The following KIRREL3 variants were observed in gnomAD, a reference collection of about 807,000 sequenced individuals.
KIRREL3 encodes kirre like nephrin family adhesion molecule 3, also known as kin of IRRE-like protein 3.
KIRREL3 carries 36 observed loss-of-function variants against 89.7 expected under a neutral mutation model. The ratio of observed to expected loss-of-function variants is 0.40; its 90% CI spans 0.31 to 0.53. KIRREL3 has a LOEUF of 0.53. Ranked by LOEUF, KIRREL3 falls within the 20% of genes least tolerant of loss-of-function variation. The pLI is 0.49. For missense variants in KIRREL3, 864 were observed against 1,056.6 expected (o/e 0.82, Z 2.53); for synonymous variants, 445 against 441.4 (o/e 1.01, Z -0.10).
chr11:126,452,883 C>T (rs1205240164), intron 7 of KIRREL3, among the ~76,000 whole-genome samples: 1 of 152,180 alleles, frequency 6.6e-6, no homozygotes, highest in African/African-American at 2.4e-5. Flanking sequence ...CTGAAAAACC[C>T]TCTGAGAGGT....
chr11:126,598,487 G>T (rs1458872097), intron 1 of KIRREL3, among the ~76,000 whole-genome samples: 1 of 152,170 alleles, frequency 6.6e-6, no homozygotes, highest in Non-Finnish European at 1.5e-5. Flanking sequence ...CCTGGGAGGT[G>T]CACCTCTTTT....
At chr11:126,556,500 G>T (rs908971527) in intron 2 of KIRREL3, among the ~76,000 whole-genome samples, 3 of 152,182 alleles carry the variant, frequency 2.0e-5, no homozygotes, top group African/African-American at 7.2e-5. Flanking sequence ...AATTAGCTGG[G>T]CATGGTGGTG....
In KIRREL3 at chr11:126,498,545, G is replaced by T. The variant is rs1487063769; in HGVS notation, c.433+22770C>A. Among the ~76,000 whole-genome samples, 3 of 152,258 alleles carry T rather than the reference G, an allele frequency of 2.0e-5. No homozygotes were observed. In the East Asian group the frequency reaches 5.8e-4, roughly 29 times the overall value. Reference sequence around the variant, plus strand: ...CTAATTAGTAATTATAAAAGATCCCGACTAGAAATTGTTTTCAGTTAAATA... The same window carrying T: ...CTAATTAGTAATTATAAAAGATCCCTACTAGAAATTGTTTTCAGTTAAATA... On this transcript the variant is annotated intron_variant, in intron 4 of 16. Transcript: ENST00000525144. The surrounding 1 kb of genome is among the most constrained non-coding windows in gnomAD (Gnocchi z 4.3).
rs568777273 is a variant in KIRREL3, at chr11:126,768,389, T to G, written c.56-205477A>C. Among the ~76,000 whole-genome samples the G allele has an allele frequency of 5.3e-5, 8 of 152,250 alleles. No individual in the cohort carries two copies. Among genetic ancestry groups the G allele is most frequent in the Non-Finnish European group, 7.3e-5 (5 of 68,040 alleles). On this transcript the variant is annotated intron_variant, in intron 1 of 16. Coordinates refer to ENST00000525144, the MANE Select transcript of KIRREL3 (RefSeq NM_032531.4). The surrounding 1 kb of genome is among the most constrained non-coding windows in gnomAD (Gnocchi z 4.5). The stretch of plus-strand genomic sequence containing the variant: ...GTGCTCATTGTATGCAGGCACTGCA[T>G]GTCCCAGGTCTGGAAATGCCTATGA...
At chr11:126,483,576 T>G (rs1037738639) in intron 4 of KIRREL3, among the ~76,000 whole-genome samples, 1 of 152,216 alleles carries the variant, frequency 6.6e-6, no homozygotes, top group African/African-American at 2.4e-5. Flanking sequence ...GCCAGGTGAC[T>G]GTTCTGGAAG....
rs896790053 is a variant in KIRREL3, at chr11:126,531,690, C to T, written c.134-5003G>A. ...TCTCGTCTTCTCTCTATATTCTCAT[C>T]TTGCCTCTTTTTCATCAATTTCTCC... On this transcript the variant is annotated intron_variant, in intron 2 of 16. Transcript: ENST00000525144. This position sits in a 1 kb window ranked among gnomAD's most constrained non-coding sequence, Gnocchi z 4.7. 1.3e-5 allele frequency among the ~76,000 whole-genome samples: 2 copies of T among 151,976 alleles called. No homozygotes were observed. Among genetic ancestry groups the T allele is most frequent in the African/African-American group, 2.4e-5 (1 of 41,374 alleles).
At chr11:126,731,755 G>A (rs922077604) in intron 1 of KIRREL3, among the ~76,000 whole-genome samples, 1 of 152,240 alleles carries the variant, frequency 6.6e-6, no homozygotes, top group Non-Finnish European at 1.5e-5. Flanking sequence ...CCCAGTTAGA[G>A]AACAACAAGA....
Position 126,708,393 on chromosome 11 carries a change from GA to G in KIRREL3, c.56-145482del. On this transcript the variant is annotated intron_variant, in intron 1 of 16. Coordinates refer to ENST00000525144, the MANE Select transcript of KIRREL3 (RefSeq NM_032531.4). The surrounding 1 kb of genome is among the most constrained non-coding windows in gnomAD (Gnocchi z 5.7). ...AGGAATTCTATTTGTTTTTCTCTTG[GA>G]AAATGGGGAAGTACATCTGTAATTC... is the stretch of plus-strand genomic sequence containing the variant. Among the ~76,000 whole-genome samples, 3 of 152,262 alleles carry G rather than the reference GA, an allele frequency of 2.0e-5. No individual in the cohort carries two copies. The South Asian group carries it at 6.2e-4, about 32-fold the overall frequency.
chr11:126,678,081 C>T (rs995993854), intron 1 of KIRREL3, among the ~76,000 whole-genome samples: 7 of 152,176 alleles, frequency 4.6e-5, no homozygotes, highest in Admixed American at 2.0e-4. Context: ...TGGTTATACG[C>T]GGTAATGAAG....
chr11:126,450,513 G>A (rs201709785), intron 7 of KIRREL3, among the ~76,000 whole-genome samples: 23,455 of 149,738 alleles, frequency 0.16, 2,310 homozygotes, highest in East Asian at 0.38. Context: ...GTGCATGTGT[G>A]TGTGTGCATC....
chr11:126,466,862 G>A (rs1275485626), intron 5 of KIRREL3, among the ~76,000 whole-genome samples: 1 of 152,194 alleles, frequency 6.6e-6, no homozygotes, highest in East Asian at 1.9e-4. Context: ...GCTCCAGAAG[G>A]AAGTGAGTTA....
rs866958641 is a variant in KIRREL3 at position 126,460,284 on chromosome 11, C to T, written c.742+2873G>A. On this transcript the variant is annotated intron_variant, in intron 6 of 16. Transcript: ENST00000525144. ...GGGGCACCACTCACCTATGGCTCTG[C>T]GTCCTGACAGCAGCTGGTAGGTGTG... 1.5e-4 allele frequency among the ~76,000 whole-genome samples: 23 copies of T among 152,174 alleles called. No homozygotes were observed. The South Asian group carries it at 1.9e-3, about 12-fold the overall frequency.
intron 1 of KIRREL3, among the ~76,000 whole-genome samples, chr11:126,746,516 A>G (rs1949155799): frequency 6.6e-6 from 1 of 152,142 alleles, no homozygotes; most frequent in African/African-American, 2.4e-5. Flanking sequence ...CTCTACTAGC[A>G]TATGCTGCGG....
At chr11:126,856,145 A>C (rs951602227) in intron 1 of KIRREL3, among the ~76,000 whole-genome samples, 1 of 152,196 alleles carries the variant, frequency 6.6e-6, no homozygotes, top group African/African-American at 2.4e-5. Flanking sequence ...AGCCATATGC[A>C]CTTTGATATG....
rs1950039979 is a variant in KIRREL3 at position 126,991,729 on chromosome 11, A to C, written c.55+8726T>G. Among the ~76,000 whole-genome samples, 1 of 152,200 alleles carries C rather than the reference A, an allele frequency of 6.6e-6. No homozygotes were observed. Among genetic ancestry groups the C allele is most frequent in the South Asian group, 2.1e-4 (1 of 4,822 alleles). On this transcript the variant is annotated intron_variant, in intron 1 of 16. Transcript: ENST00000525144. The surrounding 1 kb of genome is among the most constrained non-coding windows in gnomAD (Gnocchi z 5.8). Reference sequence around the variant, plus strand: ...GATTCGGATGCATGATTTTCATAGGAAACTCCCTAAAATCCTTTTCCAGTC... The same window carrying C: ...GATTCGGATGCATGATTTTCATAGGCAACTCCCTAAAATCCTTTTCCAGTC...
rs11435336 is a variant in KIRREL3, at chr11:126,740,411, A to AT, written c.56-177500dup. Among the ~76,000 whole-genome samples, 152,315 of 152,316 alleles carry AT rather than the reference A, an allele frequency of 1. 76,157 individuals are homozygous for AT. The highest frequency in any genetic ancestry group is 1 in the Non-Finnish European group (68,040 of 68,040). On this transcript the variant is annotated intron_variant, in intron 1 of 16. Coordinates refer to ENST00000525144, the MANE Select transcript of KIRREL3 (RefSeq NM_032531.4). This position sits in a 1 kb window ranked among gnomAD's most constrained non-coding sequence, Gnocchi z 6.0. Reference sequence around the variant, plus strand: ...TTTGGTGCTGCAGTAGTGGTCTGGAATTGTCTGCAGAAAAGTCTTTCTGGA... The same window carrying AT: ...TTTGGTGCTGCAGTAGTGGTCTGGAATTTGTCTGCAGAAAAGTCTTTCTGGA...
chr11:126,435,034 G>A (rs903189776), intron 13 of KIRREL3, among the ~76,000 whole-genome samples: 1 of 152,144 alleles, frequency 6.6e-6, no homozygotes, highest in Admixed American at 6.5e-5. Flanking sequence ...CAGAGAGGAA[G>A]GAGTTGTGGG....
intron 1 of KIRREL3, among the ~76,000 whole-genome samples, chr11:126,966,109 T>G (rs1319766758): frequency 6.6e-6 from 1 of 152,168 alleles, no homozygotes; most frequent in Non-Finnish European, 1.5e-5. Flanking sequence ...CCAAGCTGCT[T>G]AGATACCTCA....
chr11:126,823,250 T>A (rs540456303), intron 1 of KIRREL3, among the ~76,000 whole-genome samples: 4 of 152,346 alleles, frequency 2.6e-5, no homozygotes, highest in Admixed American at 1.3e-4. Context: ...CTTTTGCTGC[T>A]TTGAAATGAA....
Sources: allele counts gnomAD v4.1 joint callset (sites outside exome capture counted in the v4.1 genomes callset), GRCh38; gene constraint gnomAD v4.1.1; non-coding constraint Gnocchi (gnomAD v3.1); transcripts MANE v1.5; gene names NCBI Gene and HGNC (gene_info 2026-07-23, HGNC 2026-07-21).